Variants in PALS2 observed in about 807,000 individuals in gnomAD.
PALS2 encodes protein associated with LIN7 2, MAGUK p55 family member.
Under a neutral mutation model 61.6 loss-of-function variants are expected in PALS2, and 27 were observed. That is an observed-to-expected ratio of 0.44 (90% CI 0.32 to 0.60). PALS2 has a LOEUF of 0.60. Ranked by LOEUF, PALS2 falls within the 20% of genes least tolerant of loss-of-function variation. PALS2 has a pLI of 0.05. For missense variants in PALS2, 554 were observed against 639.4 expected (o/e 0.87, Z 1.44); for synonymous variants, 236 against 218.6 (o/e 1.08, Z -0.70).
chr7:24,574,730 G>A (rs932073512), intron 1 of PALS2, among the ~76,000 whole-genome samples: 1 of 152,108 alleles, frequency 6.6e-6, no homozygotes, highest in African/African-American at 2.4e-5. Flanking sequence ...TTTGGGGTGC[G>A]TTAAAATGCG....
At chr7:24,684,774 C>T (rs1012350463) in intron 11 of PALS2, among the ~76,000 whole-genome samples, 3 of 151,958 alleles carry the variant, frequency 2.0e-5, no homozygotes, top group Non-Finnish European at 2.9e-5. Context: ...TCCTCTTATC[C>T]TGAAAACCTT....
At chr7:24,659,571 C>G (rs1233384772) in intron 5 of PALS2, among the ~76,000 whole-genome samples, 3 of 152,124 alleles carry the variant, frequency 2.0e-5, no homozygotes, top group Non-Finnish European at 4.4e-5. Context: ...TCTTTTAAAT[C>G]TTGCTTTTTA....
In PALS2 at chr7:24,662,060, C is replaced by T. The variant is rs115387100; in HGVS notation, c.652-1530C>T. ...CTTTAGCAATCTTAATGTTTGTATG[C>T]TTGCTTTTTAGATCTAAAATTATAT... On this transcript the variant is annotated intron_variant, in intron 5 of 11. Transcript: ENST00000222644. Among the ~76,000 whole-genome samples the T allele has an allele frequency of 5.2e-3, 791 of 152,152 alleles. 7 individuals carry two copies. The highest frequency in any genetic ancestry group is 0.017 in the African/African-American group (723 of 41,518).
rs891167595 is a variant in PALS2 at position 24,624,103 on chromosome 7, A to G, written c.117+319A>G. 1.7e-5 allele frequency: 23 copies of G among 1,317,392 alleles called. No individual in the cohort carries two copies. In the East Asian group the frequency reaches 6.8e-4, roughly 39 times the overall value. The allele number at this position is 1,317,392 out of a possible 1,614,324, so 81.6% of individuals were successfully genotyped here. On this transcript the variant is annotated intron_variant, in intron 2 of 11. Coordinates refer to ENST00000222644, the MANE Select transcript of PALS2 (RefSeq NM_001303037.2). The stretch of plus-strand genomic sequence containing the variant: ...CCTGATCCTATTTCCATTTTCAACA[A>G]TGGCAAAGTACTGATTTTCTTCTTT...
intron 1 of PALS2, among the ~76,000 whole-genome samples, chr7:24,619,097 G>T (rs1327413562): frequency 6.6e-6 from 1 of 151,966 alleles, no homozygotes; most frequent in Non-Finnish European, 1.5e-5. Flanking sequence ...TTCGTTTCTG[G>T]ATTTAATTAC....
intron 5 of PALS2, 106 bp from the exon 6 acceptor site, chr7:24,663,484 A>C: frequency 9.0e-7 from 1 of 1,108,568 alleles, no homozygotes; most frequent in Non-Finnish European, 1.2e-6. Flanking sequence ...TGAAGTACTA[A>C]ATACATTGTC....
rs532993317 is a variant in PALS2 at position 24,650,802 on chromosome 7, T to G, written c.651+90T>G. 3.2e-6 allele frequency: 3 copies of G among 937,766 alleles called. No individual in the cohort carries two copies. In the East Asian group the frequency reaches 8.3e-5, roughly 26 times the overall value. The allele number at this position is 937,766 out of a possible 1,614,324, so 58.1% of individuals were successfully genotyped here. A position where few individuals can be genotyped will look rare whatever the true frequency, so the allele number is the denominator to read the frequency against. On this transcript the variant is annotated intron_variant, in intron 5 of 11. Coordinates refer to ENST00000222644, the MANE Select transcript of PALS2 (RefSeq NM_001303037.2). The stretch of plus-strand genomic sequence containing the variant: ...TAACTATCAGTTGCTACTATTTTGC[T>G]AAAGAAAAGAGAAAAAATTGATTTG...
chr7:24,624,027 A>G lies in PALS2; in HGVS notation c.117+243A>G, dbSNP rs1435137419. ...TTTTGGCGTAATGCCTTTAAGGTTT[A>G]GAGAAATCATACCTGCACAGTTGTG... On this transcript the variant is annotated intron_variant, in intron 2 of 11. Transcript: ENST00000222644. 5 of 1,285,864 alleles carry G rather than the reference A, an allele frequency of 3.9e-6. No homozygotes were observed. The African/African-American group carries it at 4.5e-5, about 12-fold the overall frequency. The allele number at this position is 1,285,864 out of a possible 1,614,324, so 79.7% of individuals were successfully genotyped here.
At chr7:24,661,667 G>C (rs1259534013) in intron 5 of PALS2, among the ~76,000 whole-genome samples, 1 of 152,010 alleles carries the variant, frequency 6.6e-6, no homozygotes, top group Non-Finnish European at 1.5e-5. Context: ...TTAACTTTTT[G>C]TTCTATCATT....
intron 10 of PALS2, among the ~76,000 whole-genome samples, chr7:24,680,146 T>C (rs1787843352): frequency 6.6e-6 from 1 of 152,214 alleles, no homozygotes; most frequent in African/African-American, 2.4e-5. Flanking sequence ...ACATCACTCT[T>C]GATGATTTTT....
At chr7:24,670,983 C>T (rs944369825) in intron 9 of PALS2, among the ~76,000 whole-genome samples, 10 of 152,154 alleles carry the variant, frequency 6.6e-5, no homozygotes, top group Admixed American at 6.5e-4. Flanking sequence ...ATGCTACACT[C>T]AGCATTTGTA....
At chr7:24,609,001 CT>C (rs1351258403) in intron 1 of PALS2, among the ~76,000 whole-genome samples, 2 of 152,110 alleles carry the variant, frequency 1.3e-5, no homozygotes, top group Non-Finnish European at 2.9e-5. Context: ...GTGACTTGTT[CT>C]TTTATGAACA....
At chr7:24,598,403 G>C (rs1783598139) in intron 1 of PALS2, among the ~76,000 whole-genome samples, 1 of 152,146 alleles carries the variant, frequency 6.6e-6, no homozygotes, top group Non-Finnish European at 1.5e-5. Context: ...AGGATATCCA[G>C]TTGTCTATAG....
chr7:24,643,051 C>A (rs1277401289), intron 3 of PALS2, among the ~76,000 whole-genome samples: 1 of 152,044 alleles, frequency 6.6e-6, no homozygotes, highest in Non-Finnish European at 1.5e-5. Flanking sequence ...ATAAAATCAA[C>A]AGGATATAGT....
intron 5 of PALS2, among the ~76,000 whole-genome samples, chr7:24,659,328 A>T (rs1027954369): frequency 6.6e-6 from 1 of 152,172 alleles, no homozygotes; most frequent in African/African-American, 2.4e-5. Context: ...ATGTGTCTTT[A>T]TGGTAGAATG....
chr7:24,625,868 A>G (rs921635855), intron 2 of PALS2, among the ~76,000 whole-genome samples: 1 of 152,030 alleles, frequency 6.6e-6, no homozygotes, highest in Non-Finnish European at 1.5e-5. Context: ...AATATAGGTT[A>G]AAAAAAATCC....
chr7:24,573,886 C>T lies in PALS2; in HGVS notation c.-3+293C>T, dbSNP rs1403701703. ...GGCTGGGCGGGCCGGAGCTCGGCAACGTGTCTGGCCCATGCTGCTTGCCGC... is the reference window on the plus strand; with the variant it reads ...GGCTGGGCGGGCCGGAGCTCGGCAATGTGTCTGGCCCATGCTGCTTGCCGC... On this transcript the variant is annotated intron_variant, in intron 1 of 11. Transcript: ENST00000222644. The surrounding 1 kb of genome is among the most constrained non-coding windows in gnomAD (Gnocchi z 5.3). 1 of 151,702 alleles carries T rather than the reference C, an allele frequency of 6.6e-6. No individual in the cohort carries two copies. Among genetic ancestry groups the T allele is most frequent in the East Asian group, 1.9e-4 (1 of 5,158 alleles). 9.4% of individuals were successfully genotyped at this position (151,702 alleles called of 1,614,324 possible).
intron 9 of PALS2, chr7:24,674,491 T>G (rs1469824393): frequency 6.5e-6 from 1 of 152,820 alleles, no homozygotes; most frequent in African/African-American, 2.4e-5. Flanking sequence ...AACCTTTTCT[T>G]AGAATGAATG....
At chr7:24,663,504 T>C in intron 5 of PALS2, 86 bp from the exon 6 acceptor site, 2 of 1,289,732 alleles carry the variant, frequency 1.6e-6, no homozygotes, top group Non-Finnish European at 2.1e-6. Flanking sequence ...CAGTTACAAT[T>C]AAATCAGAGT....
Sources: gnomAD v4.1 joint callset for allele counts (sites outside exome capture counted in the v4.1 genomes callset) on GRCh38, gnomAD v4.1.1 for gene constraint, Gnocchi (gnomAD v3.1) non-coding constraint, MANE v1.5 for transcripts, NCBI Gene and HGNC (gene_info 2026-07-23, HGNC 2026-07-21) for gene names.